Variants in MDN1 observed in about 807,000 individuals in gnomAD.
MDN1 encodes midasin AAA ATPase 1, also known as midasin.
In MDN1, 266 loss-of-function variants were observed where a neutral mutation model predicts 669.2. The observed-to-expected ratio is 0.40, with a 90% CI of 0.36 to 0.44. The LOEUF is 0.44. Among genes scored for constraint, MDN1 ranks in the 20% least tolerant of loss-of-function variants. The pLI, the probability that MDN1 is intolerant of heterozygous loss-of-function variation, is 1.00. For synonymous variants in MDN1, 2,385 were observed against 2,457.1 expected, an observed-to-expected ratio of 0.97 and a Z score of 0.87; for missense variants, 5,940 against 6,754.0, an observed-to-expected ratio of 0.88 and a Z score of 4.22.
At chr6:89,799,299 G>C (rs1199397183) in intron 2 of MDN1, among the ~76,000 whole-genome samples, 2 of 152,206 alleles carry the variant, frequency 1.3e-5, no homozygotes, top group South Asian at 2.1e-4. Context: ...CACTGATGTG[G>C]GGCACGTGCC....
At position 89,743,235 on chromosome 6, in the gene MDN1, G is replaced by C. The variant is rs1367507462; in HGVS notation, c.4363C>G (p.Leu1455Val). ...CCGTCCTCCTTCATGGCCTGAACCA[G>C]AGGCCCATCATGCCACTCAAAGAGT... ...SRLFEWHDGP[L>V]VQAMKEDGFF... The change falls in exon 31 of 102, where the codon CTG becomes GTG. Residue 1455 changes from leucine to valine, a missense_variant. Physicochemically the swap from Leu to Val is conservative, Grantham distance 32. This residue lies in a region of MDN1 where 2,292 missense variants were observed against 2,638.3 expected (regional missense o/e 0.87). Coordinates refer to ENST00000369393, the MANE Select transcript of MDN1 (RefSeq NM_014611.3). The C allele has an allele frequency of 1.9e-6, 3 of 1,613,996 alleles. No individual in the cohort carries two copies. Among genetic ancestry groups the C allele is most frequent in the Non-Finnish European group, 2.5e-6 (3 of 1,179,968 alleles).
At chr6:89,810,190 T>A (rs1768316314) in intron 1 of MDN1, among the ~76,000 whole-genome samples, 1 of 149,192 alleles carries the variant, frequency 6.7e-6, no homozygotes, top group Admixed American at 6.7e-5. Flanking sequence ...AATCCCAGCA[T>A]TTTGGGAGGC....
At chr6:89,729,558 A>G (rs1419512785) in intron 35 of MDN1, among the ~76,000 whole-genome samples, 1 of 152,208 alleles carries the variant, frequency 6.6e-6, no homozygotes, top group Non-Finnish European at 1.5e-5. Flanking sequence ...TTTGGCCACC[A>G]AAACAATTCA....
intron 15 of MDN1, among the ~76,000 whole-genome samples, chr6:89,765,880 T>A (rs1000298499): frequency 6.6e-6 from 1 of 152,246 alleles, no homozygotes; most frequent in Non-Finnish European, 1.5e-5. Flanking sequence ...TGGCACATAA[T>A]GACTGCCACA....
At chr6:89,796,324 C>CAAAAAAA (rs35169575) in intron 2 of MDN1, among the ~76,000 whole-genome samples, 6 of 45,372 alleles carry the variant, frequency 1.3e-4, no homozygotes, top group Admixed American at 3.1e-4. Flanking sequence ...AACTCTGTCT[C>CAAAAAAA]AAAAAAAAAA....
At chr6:89,743,854 C>A in intron 29 of MDN1, 140 bp from the exon 30 acceptor site, 1 of 882,990 alleles carries the variant, frequency 1.1e-6, no homozygotes, top group Non-Finnish European at 1.8e-6. Context: ...GGAACCTCAA[C>A]CCCAGGCTCA....
chr6:89,757,689 T>A (rs1352747296), intron 19 of MDN1, among the ~76,000 whole-genome samples: 1 of 152,098 alleles, frequency 6.6e-6, no homozygotes, highest in African/African-American at 2.4e-5. Context: ...GGCAGGCAGA[T>A]CTCTTGAGCC....
At position 89,674,517 on chromosome 6, in the gene MDN1, G is replaced by C. The variant is rs1481624906; in HGVS notation, c.12834C>G (p.Pro4278=). 6.2e-7 allele frequency: 1 copy of C among 1,609,190 alleles called. No homozygotes were observed. The highest frequency in any genetic ancestry group is 1.3e-5 in the African/African-American group (1 of 75,052). The part of the protein sequence containing the change: ...MGPQAYPVAF[P]PQDGVQQWTE... ...TCCACTGCTGCACGCCATCCTGAGG[G>C]GGGAAGGCCACGGGGTAGGCCTGGG... is the stretch of plus-strand genomic sequence containing the variant. The change falls in exon 79 of 102, where the codon CCC becomes CCG. Residue 4278 remains proline (P), a synonymous_variant. Transcript: ENST00000369393.
chr6:89,703,829 T>C lies in MDN1; in HGVS notation c.8149-1768A>G, dbSNP rs567138300. The stretch of plus-strand genomic sequence containing the variant: ...GAGTTCCAGAACAGCCTGGCCAACA[T>C]GGTGAAACCCTATCTCCACTAAAAA... On this transcript the variant is annotated intron_variant, in intron 53 of 101. Transcript: ENST00000369393. Among the ~76,000 whole-genome samples, 12 of 151,990 alleles carry C rather than the reference T, an allele frequency of 7.9e-5. No homozygotes were observed. In the South Asian group the frequency reaches 2.5e-3, roughly 32 times the overall value.
At chr6:89,790,535 A>C in intron 5 of MDN1, 134 bp from the exon 6 acceptor site, 1 of 1,061,056 alleles carries the variant, frequency 9.4e-7, no homozygotes, top group Non-Finnish European at 1.4e-6. Context: ...AACTATAATA[A>C]CAACAGGTAT....
chr6:89,723,858 A>C (rs1158951503), intron 38 of MDN1, among the ~76,000 whole-genome samples: 1 of 152,170 alleles, frequency 6.6e-6, no homozygotes, highest in Non-Finnish European at 1.5e-5. Flanking sequence ...ATTAAAGAAA[A>C]AAGAGGCCCA....
chr6:89,688,768 C>G lies in MDN1; in HGVS notation c.11064G>C (p.Leu3688Phe), dbSNP rs1437711585. ...GAGTGTTATGGGAGAGGGTACAGGC[C>G]AAAAGTTGGCTGCCCAAGAGTCGGT... is the stretch of plus-strand genomic sequence containing the variant. ...LNDRLLGSQLLACTLSHNTLF... is the reference protein window; with the variant it reads ...LNDRLLGSQLFACTLSHNTLF... Residue 3688 changes from leucine to phenylalanine, a missense_variant, in exon 66 of 102, where the codon TTG becomes TTC. Physicochemically the swap from Leu to Phe is conservative, Grantham distance 22. Around this residue, in one of 5 missense-constraint regions of MDN1, gnomAD observed 2,280 missense variants for 2,576.3 expected, o/e 0.88. Coordinates refer to ENST00000369393, the MANE Select transcript of MDN1 (RefSeq NM_014611.3). 6.2e-7 allele frequency: 1 copy of G among 1,614,010 alleles called. No individual in the cohort carries two copies. The highest frequency in any genetic ancestry group is 1.1e-5 in the South Asian group (1 of 91,078).
At chr6:89,770,133 C>T (rs1177487259) in intron 15 of MDN1, among the ~76,000 whole-genome samples, 2 of 151,996 alleles carry the variant, frequency 1.3e-5, no homozygotes, top group African/African-American at 4.8e-5. Flanking sequence ...AGGCCGGGTG[C>T]AGTGGCTCAC....
rs1195360245 is a variant in MDN1, at chr6:89,740,316, C to T, written c.4511G>A (p.Ser1504Asn). The T allele has an allele frequency of 3.7e-6, 6 of 1,609,428 alleles. No homozygotes were observed. The highest frequency in any genetic ancestry group is 1.7e-5 in the Admixed American group (1 of 58,664). ...CCCAGCAGTCAACAGCTCTATTTCA[C>T]TATCCTTGTCCTCTGGACTGCCTTT... The part of the protein sequence containing the change: ...AEKGSPEDKD[S>N]EIELLTAGKK... Residue 1504 changes from serine (S) to asparagine (N), a missense_variant, in exon 32 of 102, where the codon AGT (serine) becomes AAT (asparagine). By Grantham distance (46) the Ser-to-Asn change is conservative. Coordinates refer to ENST00000369393, the MANE Select transcript of MDN1 (RefSeq NM_014611.3).
chr6:89,650,844 TCTC>T lies in MDN1; in HGVS notation c.15916_15918del (p.Glu5306del), dbSNP rs1157808414. On this transcript the variant is annotated inframe_deletion and splice_region_variant, in exon 96 of 102. Coordinates refer to ENST00000369393, the MANE Select transcript of MDN1 (RefSeq NM_014611.3). ...CTCTGCCACATCTCAGCTGCAACCT[TCTC>T]CTGTGACAACAACAAAATGTAAGTT... The T allele has an allele frequency of 5.6e-6, 9 of 1,613,110 alleles. No homozygotes were observed. The highest frequency in any genetic ancestry group is 7.6e-6 in the Non-Finnish European group (9 of 1,179,310).
chr6:89,733,003 A>C (rs774381769), intron 33 of MDN1, among the ~76,000 whole-genome samples: 1 of 152,200 alleles, frequency 6.6e-6, no homozygotes, highest in African/African-American at 2.4e-5. Flanking sequence ...AGAACAAAAC[A>C]AAACCTTGGG....
chr6:89,764,391 G>C (rs763148259), intron 15 of MDN1, among the ~76,000 whole-genome samples: 2 of 152,084 alleles, frequency 1.3e-5, no homozygotes, highest in Non-Finnish European at 2.9e-5. Context: ...GATTGCTTGA[G>C]CTCCAGAGTT....
chr6:89,742,681 T>C (rs1816355200), intron 31 of MDN1, among the ~76,000 whole-genome samples: 1 of 152,212 alleles, frequency 6.6e-6, no homozygotes. Context: ...AAGATTCATA[T>C]TGGTCTGAGG....
intron 93 of MDN1, among the ~76,000 whole-genome samples, chr6:89,653,560 T>G (rs1809035323): frequency 6.6e-6 from 1 of 152,228 alleles, no homozygotes; most frequent in South Asian, 2.1e-4. Context: ...ACTTGTGAGG[T>G]GAGAGGCAAA....
Sources: gnomAD v4.1 joint callset for allele counts (sites outside exome capture counted in the v4.1 genomes callset) on GRCh38, gnomAD v4.1.1 for gene constraint, gnomAD v4.1.1 regional missense constraint, MANE v1.5 for transcripts, NCBI Gene and HGNC (gene_info 2026-07-23, HGNC 2026-07-21) for gene names.